The following KLHL4 variants were observed in gnomAD, a reference collection of about 807,000 sequenced individuals.
KLHL4 encodes kelch like family member 4.
Under a neutral mutation model 45.8 loss-of-function variants are expected in KLHL4, and 17 were observed. That is an observed-to-expected ratio of 0.37 (90% confidence interval 0.25 to 0.56). The LOEUF is 0.56. Among genes scored for constraint, KLHL4 ranks in the 20% least tolerant of loss-of-function variants. The pLI is 0.79. For synonymous variants in KLHL4, 224 were observed against 189.9 expected (o/e 1.18, Z -1.47); for missense variants, 544 against 544.9 (o/e 1.00, Z 0.02).
chrX:87,529,654 A>G (rs778445505), intron 1 of KLHL4, among the ~76,000 whole-genome samples: 1 of 111,709 alleles, frequency 9.0e-6, no homozygotes, highest in Non-Finnish European at 1.9e-5. Context: ...GTTTGTTTCC[A>G]GAACAGTCAT....
At chrX:87,592,674 G>A (rs949469492) in intron 1 of KLHL4, among the ~76,000 whole-genome samples, 7 of 111,964 alleles carry the variant, frequency 6.3e-5, no homozygotes, top group Non-Finnish European at 1.3e-4. Flanking sequence ...ATGATTTTGA[G>A]CACTTTTTCA....
intron 1 of KLHL4, among the ~76,000 whole-genome samples, chrX:87,540,981 C>T (rs749229944): frequency 7.4e-4 from 82 of 111,002 alleles, no homozygotes; most frequent in African/African-American, 2.5e-3. Flanking sequence ...TCTTAGGGAA[C>T]CACTGTCATA....
At chrX:87,540,180 T>A (rs2147772410) in intron 1 of KLHL4, among the ~76,000 whole-genome samples, 1 of 111,426 alleles carries the variant, frequency 9.0e-6, no homozygotes, top group Non-Finnish European at 1.9e-5. Flanking sequence ...AGTGATTGAG[T>A]GGTGAGTGAC....
At chrX:87,524,229 A>G (rs936764270) in intron 1 of KLHL4, among the ~76,000 whole-genome samples, 8 of 110,948 alleles carry the variant, frequency 7.2e-5, no homozygotes, top group African/African-American at 2.6e-4. Context: ...TTTAACATCA[A>G]AAGTGCTCAA....
At chrX:87,611,119 A>G (rs1922357147) in intron 1 of KLHL4, among the ~76,000 whole-genome samples, 2 of 112,041 alleles carry the variant, frequency 1.8e-5, no homozygotes, top group South Asian at 7.5e-4. Flanking sequence ...AATTCTATTT[A>G]AATTAAAAAA....
Position 87,618,037 on chromosome X carries a change from A to T in KLHL4, c.833A>T (p.Gln278Leu). ...GTTTGCTCCAATTTTCTCATAAAGC[A>T]GCTCCATCCTTCAAACTGCTTAGGG... ...IDVCSNFLIK[Q>L]LHPSNCLGIR... The change falls in exon 4 of 11, where the codon CAG becomes CTG. Residue 278 changes from glutamine to leucine, a missense_variant. By Grantham distance (113) the Gln-to-Leu change is moderately radical. Transcript: ENST00000373119. The T allele has an allele frequency of 8.3e-7, 1 of 1,211,272 alleles. No individual in the cohort carries two copies. Among genetic ancestry groups the T allele is most frequent in the Non-Finnish European group, 1.1e-6 (1 of 895,050 alleles).
intron 1 of KLHL4, among the ~76,000 whole-genome samples, chrX:87,564,136 A>G (rs1296424431): frequency 9.0e-6 from 1 of 111,515 alleles, no homozygotes; most frequent in Non-Finnish European, 1.9e-5. Flanking sequence ...AAGTACACCG[A>G]CAAATACAGA....
chrX:87,619,419 C>T (rs1283614087), intron 4 of KLHL4, among the ~76,000 whole-genome samples: 1 of 111,648 alleles, frequency 9.0e-6, no homozygotes, highest in Non-Finnish European at 1.9e-5. Flanking sequence ...ATTCCTAAAA[C>T]AATACCATTA....
intron 1 of KLHL4, among the ~76,000 whole-genome samples, chrX:87,597,958 A>G (rs1408212119): frequency 9.5e-6 from 1 of 104,850 alleles, no homozygotes. Context: ...ATGCTTTTCC[A>G]GTGCAGAAAA....
At chrX:87,649,816 G>A (rs1198523940) in intron 9 of KLHL4, among the ~76,000 whole-genome samples, 1 of 110,803 alleles carries the variant, frequency 9.0e-6, no homozygotes, top group Non-Finnish European at 1.9e-5. Context: ...AAATTTTTTT[G>A]ACCATATATG....
At chrX:87,611,065 T>C (rs1225403904) in intron 1 of KLHL4, among the ~76,000 whole-genome samples, 1 of 111,007 alleles carries the variant, frequency 9.0e-6, no homozygotes. Flanking sequence ...CACAGCGAGA[T>C]TCTGTCTCTT....
chrX:87,632,911 CT>C (rs751468871), intron 7 of KLHL4, among the ~76,000 whole-genome samples: 27 of 110,663 alleles, frequency 2.4e-4, no homozygotes, highest in Middle Eastern at 9.3e-3. Context: ...GAAAAATTTC[CT>C]TTTTTTTAAT....
chrX:87,667,304 G>A lies in KLHL4; in HGVS notation c.*770G>A, dbSNP rs1271084314. 3 of 715,602 alleles carry A rather than the reference G, an allele frequency of 4.2e-6. No homozygotes were observed. The highest frequency in any genetic ancestry group is 5.0e-6 in the Non-Finnish European group (3 of 605,733). 59.0% of individuals were successfully genotyped at this position (715,602 alleles called of 1,213,427 possible). On this transcript the variant is annotated 3_prime_UTR_variant, in exon 11 of 11. Coordinates refer to ENST00000373119, the MANE Select transcript of KLHL4 (RefSeq NM_019117.5). Reference sequence around the variant, plus strand: ...TATTTATCATATTGATACAAACTGTGACCTCAGCTTCAGAGTGTCAGGGCC... The same window carrying A: ...TATTTATCATATTGATACAAACTGTAACCTCAGCTTCAGAGTGTCAGGGCC...
intron 9 of KLHL4, among the ~76,000 whole-genome samples, chrX:87,658,126 A>G (rs1235076009): frequency 8.9e-6 from 1 of 112,032 alleles, no homozygotes; most frequent in Non-Finnish European, 1.9e-5. Flanking sequence ...CTCAGGTTGC[A>G]AAACTGTCCC....
intron 1 of KLHL4, among the ~76,000 whole-genome samples, chrX:87,519,767 C>A (rs1448586161): frequency 2.7e-5 from 3 of 111,860 alleles, no homozygotes; most frequent in East Asian, 2.8e-4. Flanking sequence ...TTTTAAAAAA[C>A]TGCTGAATTT....
intron 1 of KLHL4, among the ~76,000 whole-genome samples, chrX:87,582,720 C>T (rs1016021012): frequency 7.2e-5 from 8 of 111,756 alleles, no homozygotes; most frequent in African/African-American, 2.6e-4. Context: ...TGGTTCCTTC[C>T]AGTGGGTTTG....
intron 9 of KLHL4, among the ~76,000 whole-genome samples, chrX:87,643,396 A>G (rs1205800796): frequency 1.8e-5 from 2 of 111,475 alleles, no homozygotes; most frequent in Non-Finnish European, 3.8e-5. Context: ...ACAAGCAGCA[A>G]GATTGAAATG....
Position 87,669,656 on chromosome X carries a change from T to A in KLHL4, c.*3122T>A, listed in dbSNP as rs1231313858. The A allele has an allele frequency of 1.6e-5, 4 of 254,223 alleles. No homozygotes were observed. Among genetic ancestry groups the A allele is most frequent in the Non-Finnish European group, 2.1e-5 (3 of 145,251 alleles). The allele number at this position is 254,223 out of a possible 1,213,427, so 21.0% of individuals were successfully genotyped here. On this transcript the variant is annotated 3_prime_UTR_variant, in exon 11 of 11. Coordinates refer to ENST00000373119, the MANE Select transcript of KLHL4 (RefSeq NM_019117.5). Reference sequence around the variant, plus strand: ...GTCCTCAACTGTCATCATTCTATGTTTACTTTCTCCCAATCACATCACCTG... The same window carrying A: ...GTCCTCAACTGTCATCATTCTATGTATACTTTCTCCCAATCACATCACCTG...
At chrX:87,541,002 A>G (rs1434724020) in intron 1 of KLHL4, among the ~76,000 whole-genome samples, 3 of 110,820 alleles carry the variant, frequency 2.7e-5, no homozygotes, top group African/African-American at 9.8e-5. Flanking sequence ...TATGCAGTCC[A>G]TTGTTGACTG....
Sources: allele counts gnomAD v4.1 joint callset (sites outside exome capture counted in the v4.1 genomes callset), GRCh38; gene constraint gnomAD v4.1.1; transcripts MANE v1.5; gene names NCBI Gene and HGNC (gene_info 2026-07-23, HGNC 2026-07-21).